GPC6: variants seen among roughly 807,000 people sequenced by gnomAD.
GPC6 encodes the protein glypican 6, also known as glypican-6.
In GPC6, 14 loss-of-function variants were observed where a neutral mutation model predicts 55.2. The observed-to-expected ratio is 0.25, with a 90% confidence interval of 0.17 to 0.40. GPC6 has a LOEUF of 0.40. Ranked by LOEUF, GPC6 falls within the 10% of genes least tolerant of loss-of-function variation. The pLI, the probability that GPC6 is intolerant of heterozygous loss-of-function variation, is 1.00. For missense variants in GPC6, 641 were observed against 708.5 expected (o/e 0.90, Z 1.08); for synonymous variants, 278 against 259.6 (o/e 1.07, Z -0.68).
At chr13:93,502,993 T>C (rs1880577700) in intron 1 of GPC6, among the ~76,000 whole-genome samples, 1 of 152,178 alleles carries the variant, frequency 6.6e-6, no homozygotes. Context: ...AGTTTAAACA[T>C]TTGCCAACTA....
At chr13:93,440,171 A>T (rs984551843) in intron 1 of GPC6, among the ~76,000 whole-genome samples, 15 of 152,136 alleles carry the variant, frequency 9.9e-5, no homozygotes, top group Non-Finnish European at 1.9e-4. Flanking sequence ...CATATAAAAA[A>T]TTTTCTCATA....
chr13:94,219,591 T>C (rs1890322586), intron 4 of GPC6, among the ~76,000 whole-genome samples: 2 of 152,152 alleles, frequency 1.3e-5, no homozygotes, highest in South Asian at 4.1e-4. Context: ...ACAGTTATGT[T>C]ATCAAGCAAA....
At chr13:93,589,546 C>T (rs1877365810) in intron 2 of GPC6, among the ~76,000 whole-genome samples, 1 of 152,140 alleles carries the variant, frequency 6.6e-6, no homozygotes, top group Non-Finnish European at 1.5e-5. Context: ...TGAAGCAGCG[C>T]ATTTCTGGGG....
At chr13:94,247,364 C>T (rs1891226446) in intron 4 of GPC6, among the ~76,000 whole-genome samples, 1 of 152,080 alleles carries the variant, frequency 6.6e-6, no homozygotes. Flanking sequence ...CTTTGCTCTT[C>T]ATAGTACTTC....
chr13:93,554,471 A>G (rs1875349583), intron 2 of GPC6, among the ~76,000 whole-genome samples: 1 of 152,168 alleles, frequency 6.6e-6, no homozygotes, highest in Admixed American at 6.5e-5. Context: ...TCTCCTTGGT[A>G]AGTGTGATTG....
At chr13:93,944,242 C>T (rs1424087771) in intron 3 of GPC6, among the ~76,000 whole-genome samples, 3 of 151,520 alleles carry the variant, frequency 2.0e-5, no homozygotes, top group Non-Finnish European at 4.4e-5. Flanking sequence ...CTTGCTCTGT[C>T]GCCCAGGCTG....
At chr13:93,652,890 A>G (rs1270709361) in intron 2 of GPC6, among the ~76,000 whole-genome samples, 2 of 152,220 alleles carry the variant, frequency 1.3e-5, no homozygotes, top group Admixed American at 1.3e-4. Flanking sequence ...TGCCAAAGAC[A>G]GTGATTTTAC....
chr13:93,699,491 A>C (rs889065723), intron 2 of GPC6, among the ~76,000 whole-genome samples: 1 of 152,144 alleles, frequency 6.6e-6, no homozygotes. Context: ...AGTCATACAC[A>C]GAATTAAAGT....
At chr13:93,305,164 G>A (rs755930225) in intron 1 of GPC6, among the ~76,000 whole-genome samples, 2 of 152,108 alleles carry the variant, frequency 1.3e-5, no homozygotes, top group South Asian at 2.1e-4. Flanking sequence ...CAACCAACAA[G>A]TATAAAACAA....
In GPC6 at chr13:94,319,529, C is replaced by T. The variant is rs890043078; in HGVS notation, c.1152+13406C>T. On this transcript the variant is annotated intron_variant, in intron 6 of 8. Transcript: ENST00000377047. The stretch of plus-strand genomic sequence containing the variant: ...TTTACCACTTTCTTTGGTTATCATT[C>T]CTTTTGCGTAAAACCATCCATCAGA... Among the ~76,000 whole-genome samples, 7 of 152,146 alleles carry T rather than the reference C, an allele frequency of 4.6e-5. No homozygotes were observed. The South Asian group carries it at 8.3e-4, about 18-fold the overall frequency.
chr13:93,789,598 CATATATATATATATATATAT>C (rs755185604), intron 2 of GPC6, among the ~76,000 whole-genome samples: 17,712 of 67,574 alleles, frequency 0.26, 2,429 homozygotes, highest in East Asian at 0.41. Context: ...TATAATACTA[CATATATATATATATATATAT>C]ATATATATAT....
At chr13:94,214,262 C>T (rs1890165717) in intron 4 of GPC6, among the ~76,000 whole-genome samples, 1 of 152,314 alleles carries the variant, frequency 6.6e-6, no homozygotes, top group South Asian at 2.1e-4. Flanking sequence ...TACAGTTGTA[C>T]TGACTCTCTC....
intron 1 of GPC6, among the ~76,000 whole-genome samples, chr13:93,439,694 A>AGATAAGATAAGATAAGATAAGAT (rs1555300384): frequency 5.5e-5 from 8 of 146,514 alleles, no homozygotes; most frequent in African/African-American, 2.0e-4. Flanking sequence ...AATAAATAAA[A>AGATAAGATAAGATAAGATAAGAT]AAAATAAAAT....
In GPC6 at chr13:93,227,426, G is replaced by A. The variant is rs1407282641; in HGVS notation, c.-31G>A. ...AAGGTGAAGAGCGCACCGGCCGTGG[G>A]GTTTACCGAGCTGGATTTGTATGTT... On this transcript the variant is annotated 5_prime_UTR_variant, in exon 1 of 9. Coordinates refer to ENST00000377047, the MANE Select transcript of GPC6 (RefSeq NM_005708.5). The surrounding 1 kb of genome is among the most constrained non-coding windows in gnomAD (Gnocchi z 4.3). The A allele has an allele frequency of 6.2e-7, 1 of 1,611,902 alleles. No homozygotes were observed. The highest frequency in any genetic ancestry group is 1.3e-5 in the African/African-American group (1 of 75,010).
chr13:94,057,958 T>C (rs1385427086), intron 4 of GPC6, among the ~76,000 whole-genome samples: 2 of 152,206 alleles, frequency 1.3e-5, no homozygotes, highest in Non-Finnish European at 2.9e-5. Flanking sequence ...ATCTGAAACA[T>C]GCCCCCAGAG....
chr13:93,227,821 T>C lies in GPC6; in HGVS notation c.160+205T>C, dbSNP rs1875855130. 6.6e-6 allele frequency among the ~76,000 whole-genome samples: 1 copy of C among 152,108 alleles called. No homozygotes were observed. Among genetic ancestry groups the C allele is most frequent in the African/African-American group, 2.4e-5 (1 of 41,464 alleles). On this transcript the variant is annotated intron_variant, in intron 1 of 8. Transcript: ENST00000377047. This position sits in a 1 kb window ranked among gnomAD's most constrained non-coding sequence, Gnocchi z 4.3. Reference sequence around the variant, plus strand: ...GAAGGTGTGCGTCTCCGCCGCCTCATTGTGTGCACACGCGGGAGCACCCTG... The same window carrying C: ...GAAGGTGTGCGTCTCCGCCGCCTCACTGTGTGCACACGCGGGAGCACCCTG...
At chr13:93,763,511 G>C (rs1027181453) in intron 2 of GPC6, among the ~76,000 whole-genome samples, 2 of 152,142 alleles carry the variant, frequency 1.3e-5, no homozygotes, top group African/African-American at 2.4e-5. Flanking sequence ...CTCTCGGAGA[G>C]GTTTTCCATT....
intron 2 of GPC6, among the ~76,000 whole-genome samples, chr13:93,736,669 T>C (rs1884014520): frequency 6.6e-6 from 1 of 152,186 alleles, no homozygotes; most frequent in African/African-American, 2.4e-5. Flanking sequence ...AGCCTTATAA[T>C]TGTGTACTAC....
At chr13:93,565,224 A>G (rs1207328512) in intron 2 of GPC6, among the ~76,000 whole-genome samples, 1 of 152,026 alleles carries the variant, frequency 6.6e-6, no homozygotes, top group Non-Finnish European at 1.5e-5. Context: ...AAGGGGGGAG[A>G]AGCAGCACTC....
Sources: gnomAD v4.1 joint callset for allele counts (sites outside exome capture counted in the v4.1 genomes callset) on GRCh38, gnomAD v4.1.1 for gene constraint, Gnocchi (gnomAD v3.1) non-coding constraint, MANE v1.5 for transcripts, NCBI Gene and HGNC (gene_info 2026-07-23, HGNC 2026-07-21) for gene names.